Variants in SLC30A8 observed in about 807,000 individuals in gnomAD.
SLC30A8 encodes proton-coupled zinc antiporter SLC30A8.
In SLC30A8, 27 loss-of-function variants were observed where a neutral mutation model predicts 36.9. That is an observed-to-expected ratio of 0.73 (90% confidence interval 0.54 to 1.01). The LOEUF (loss-of-function observed/expected upper bound fraction) is 1.01. SLC30A8 is among the 50% of genes least tolerant of loss of function. SLC30A8 has a pLI of 0.00. For synonymous variants in SLC30A8, 164 were observed against 172.4 expected (o/e 0.95, Z 0.38); for missense variants, 439 against 452.0 (o/e 0.97, Z 0.26).
intron 1 of SLC30A8, among the ~76,000 whole-genome samples, chr8:116,966,969 C>T (rs1392597992): frequency 2.6e-5 from 4 of 152,150 alleles, no homozygotes; most frequent in Admixed American, 2.6e-4. Flanking sequence ...AGATTCAGAA[C>T]AATTTGCAGT....
At chr8:117,009,114 C>T (rs958142818) in intron 1 of SLC30A8, among the ~76,000 whole-genome samples, 24 of 152,214 alleles carry the variant, frequency 1.6e-4, no homozygotes, top group African/African-American at 5.5e-4. Context: ...TCAAAATCCC[C>T]TGCTTAGAAA....
chr8:117,077,002 C>T (rs1274118389), intron 2 of SLC30A8, among the ~76,000 whole-genome samples: 1 of 152,158 alleles, frequency 6.6e-6, no homozygotes, highest in Non-Finnish European at 1.5e-5. Flanking sequence ...ATTTTCTTGG[C>T]TGACATAGGT....
intron 1 of SLC30A8, among the ~76,000 whole-genome samples, chr8:117,018,560 A>G (rs78193895): frequency 0.21 from 31,096 of 151,560 alleles, 3,222 homozygotes; most frequent in African/African-American, 0.24. Context: ...GGATAGCACC[A>G]CTGTGTTGGA....
At chr8:117,076,490 G>A (rs1014232678) in intron 2 of SLC30A8, among the ~76,000 whole-genome samples, 2 of 152,042 alleles carry the variant, frequency 1.3e-5, no homozygotes, top group African/African-American at 4.8e-5. Flanking sequence ...AGAGCTCTCT[G>A]CCACAGTCAT....
chr8:117,020,823 C>G (rs1816673619), intron 1 of SLC30A8, among the ~76,000 whole-genome samples: 1 of 152,144 alleles, frequency 6.6e-6, no homozygotes, highest in Non-Finnish European at 1.5e-5. Context: ...TGACCCTTCT[C>G]TCTTTATAAA....
Position 117,174,200 on chromosome 8 carries a change from A to G in SLC30A8, c.*1519A>G, listed in dbSNP as rs1180249583. 4 of 152,058 alleles carry G rather than the reference A, an allele frequency of 2.6e-5. No homozygotes were observed. Among genetic ancestry groups the G allele is most frequent in the Non-Finnish European group, 5.9e-5 (4 of 68,020 alleles). 9.4% of individuals were successfully genotyped at this position (152,058 alleles called of 1,614,324 possible). A position where few individuals can be genotyped will look rare whatever the true frequency, so the allele number is the denominator to read the frequency against. On this transcript the variant is annotated 3_prime_UTR_variant, in exon 8 of 8. Coordinates refer to ENST00000456015, the MANE Select transcript of SLC30A8 (RefSeq NM_173851.3). ...TAGATGATTTTTATGTTGTTGTCAG[A>G]CTCTAGCAAGGTACTAGAAACCTAG...
chr8:116,978,816 C>T (rs1815147206), intron 1 of SLC30A8, among the ~76,000 whole-genome samples: 1 of 152,118 alleles, frequency 6.6e-6, no homozygotes, highest in Admixed American at 6.6e-5. Flanking sequence ...CTTAAGAATG[C>T]TTCATATATA....
At chr8:116,999,865 T>A (rs190550897) in intron 1 of SLC30A8, among the ~76,000 whole-genome samples, 153 of 152,282 alleles carry the variant, frequency 1.0e-3, no homozygotes, top group Admixed American at 2.9e-3. Context: ...TAAACAGATA[T>A]GAAAATAATT....
At chr8:117,133,374 C>A (rs767982579), upstream of SLC30A8, among the ~76,000 whole-genome samples, 1 of 151,982 alleles carries the variant, frequency 6.6e-6, no homozygotes, top group Non-Finnish European at 1.5e-5. Flanking sequence ...ATCCTTCACA[C>A]TCATTATAAA....
chr8:117,023,009 T>A (rs1329736541), intron 1 of SLC30A8, among the ~76,000 whole-genome samples: 1 of 151,984 alleles, frequency 6.6e-6, no homozygotes, highest in Non-Finnish European at 1.5e-5. Context: ...GAATCTACAA[T>A]GAACTCCAAC....
At chr8:117,004,148 C>G (rs1053934306) in intron 1 of SLC30A8, among the ~76,000 whole-genome samples, 2 of 152,128 alleles carry the variant, frequency 1.3e-5, no homozygotes, top group African/African-American at 4.8e-5. Context: ...ACAGCTGAAT[C>G]GAGTTCAAGG....
intron 1 of SLC30A8, among the ~76,000 whole-genome samples, chr8:116,956,330 A>G (rs902783543): frequency 1.3e-5 from 2 of 152,222 alleles, no homozygotes; most frequent in African/African-American, 4.8e-5. Flanking sequence ...AACAGTCAAA[A>G]TAAGGGGTTA....
intron 1 of SLC30A8, among the ~76,000 whole-genome samples, chr8:117,009,479 T>C (rs1446564039): frequency 1.3e-5 from 2 of 152,218 alleles, no homozygotes; most frequent in African/African-American, 4.8e-5. Flanking sequence ...TCTGTTGCAA[T>C]TCAGTTTAAG....
At chr8:117,107,549 G>A (rs1820045078) in intron 2 of SLC30A8, among the ~76,000 whole-genome samples, 1 of 152,124 alleles carries the variant, frequency 6.6e-6, no homozygotes, top group South Asian at 2.1e-4. Context: ...GTTATTTAAG[G>A]GAAGGAGACG....
At chr8:117,137,729 C>T (rs1821426955) in intron 1 of SLC30A8, among the ~76,000 whole-genome samples, 1 of 151,912 alleles carries the variant, frequency 6.6e-6, no homozygotes, top group Non-Finnish European at 1.5e-5. Flanking sequence ...CCTTATGTGA[C>T]AGTCCAGAGT....
chr8:117,126,442 G>A (rs562082762), intron 2 of SLC30A8, among the ~76,000 whole-genome samples: 1 of 151,914 alleles, frequency 6.6e-6, no homozygotes, highest in Admixed American at 6.6e-5. Context: ...TGATTACCCG[G>A]TTGGTGAATG....
intron 1 of SLC30A8, among the ~76,000 whole-genome samples, chr8:116,955,908 T>G (rs918404963): frequency 1.3e-5 from 2 of 152,060 alleles, no homozygotes; most frequent in Non-Finnish European, 2.9e-5. Context: ...AAAAAATTTC[T>G]CTCGTTTTGA....
chr8:116,965,326 T>C (rs1814564034), intron 1 of SLC30A8, among the ~76,000 whole-genome samples: 1 of 152,222 alleles, frequency 6.6e-6, no homozygotes, highest in African/African-American at 2.4e-5. Flanking sequence ...AACTGAAGGA[T>C]AGTTGATTCT....
chr8:117,020,632 T>C (rs1816666703), intron 1 of SLC30A8, among the ~76,000 whole-genome samples: 2 of 151,782 alleles, frequency 1.3e-5, no homozygotes, highest in Admixed American at 6.6e-5. Flanking sequence ...GAATGGGGAA[T>C]TGTTGAATAA....
Sources: allele counts gnomAD v4.1 joint callset (sites outside exome capture counted in the v4.1 genomes callset), GRCh38; gene constraint gnomAD v4.1.1; transcripts MANE v1.5; gene names NCBI Gene and HGNC (gene_info 2026-07-23, HGNC 2026-07-21).